The following EFTUD2 variants were observed in gnomAD, a reference collection of about 807,000 sequenced individuals.
EFTUD2 encodes elongation factor Tu GTP binding domain containing 2, also known as 116 kDa U5 small nuclear ribonucleoprotein component.
EFTUD2 carries 9 observed loss-of-function variants against 114.3 expected under a neutral mutation model. The ratio of observed to expected loss-of-function variants is 0.08; its 90% CI spans 0.05 to 0.14. The LOEUF (loss-of-function observed/expected upper bound fraction) is 0.14. Among genes scored for constraint, EFTUD2 ranks in the 10% least tolerant of loss-of-function variants. The pLI is 1.00. For missense variants in EFTUD2, 765 were observed against 1,241.2 expected, an observed-to-expected ratio of 0.62 and a Z score of 5.76; for synonymous variants, 449 against 462.3, an observed-to-expected ratio of 0.97 and a Z score of 0.37.
chr17:44,862,285 A>T (rs2050672587), intron 16 of EFTUD2, among the ~76,000 whole-genome samples: 1 of 152,068 alleles, frequency 6.6e-6, no homozygotes, highest in South Asian at 2.1e-4. Context: ...AAATTTAAAA[A>T]TTAGCCAGAC....
chr17:44,860,290 G>A, intron 17 of EFTUD2, 142 bp downstream of exon 17: 1 of 748,700 alleles, frequency 1.3e-6, no homozygotes, highest in Non-Finnish European at 2.3e-6. Flanking sequence ...AGTACAGGGA[G>A]AATCCAGCAG....
intron 1 of EFTUD2, among the ~76,000 whole-genome samples, chr17:44,897,280 A>AT (rs1227737497): frequency 6.6e-6 from 1 of 150,470 alleles, no homozygotes; most frequent in African/African-American, 2.4e-5. Context: ...AGCTAGCATT[A>AT]TTTTTTGCCA....
chr17:44,885,716 A>G (rs2051159011), intron 3 of EFTUD2, among the ~76,000 whole-genome samples: 1 of 152,064 alleles, frequency 6.6e-6, no homozygotes, highest in Admixed American at 6.6e-5. Flanking sequence ...GCTGAAGCGT[A>G]CAAATGGCGT....
chr17:44,872,378 T>C (rs887046431), intron 11 of EFTUD2, 68 bp downstream of exon 11: 139 of 1,594,946 alleles, frequency 8.7e-5, no homozygotes, highest in Non-Finnish European at 1.2e-4. Context: ...AATTTCTGAG[T>C]CATTCAGCAG....
intron 14 of EFTUD2, 114 bp from the exon 15 acceptor site, chr17:44,863,896 G>C: frequency 7.3e-7 from 1 of 1,369,970 alleles, no homozygotes; most frequent in Non-Finnish European, 9.8e-7. Flanking sequence ...CTGATTGTTA[G>C]CTCTAAAAGC....
At chr17:44,884,451 G>A (rs2051128446) in intron 4 of EFTUD2, among the ~76,000 whole-genome samples, 1 of 151,678 alleles carries the variant, frequency 6.6e-6, no homozygotes, top group South Asian at 2.1e-4. Context: ...CCTGGAAGGT[G>A]GAGGTTGTAG....
intron 9 of EFTUD2, among the ~76,000 whole-genome samples, chr17:44,877,509 T>C (rs2050985065): frequency 6.6e-6 from 1 of 152,074 alleles, no homozygotes; most frequent in Non-Finnish European, 1.5e-5. Context: ...CTTTACAACA[T>C]AATTCCAACC....
At position 44,850,202 on chromosome 17, in the gene EFTUD2, G is replaced by T. The variant is rs1294893764; in HGVS notation, c.*1072C>A. The T allele has an allele frequency of 4.6e-6, 3 of 653,856 alleles. No individual in the cohort carries two copies. The Admixed American group carries it at 7.7e-5, about 17-fold the overall frequency. The allele number at this position is 653,856 out of a possible 1,614,324, so 40.5% of individuals were successfully genotyped here. A position where few individuals can be genotyped will look rare whatever the true frequency, so the allele number is the denominator to read the frequency against. On this transcript the variant is annotated 3_prime_UTR_variant, in exon 28 of 28. Coordinates refer to ENST00000426333, the MANE Select transcript of EFTUD2 (RefSeq NM_004247.4). ...TGCTTGAAGCAGCTGTTGGGACCTG[G>T]GGCAGAAAGATGAGCGGGAAGCTGG...
rs766554002 is a variant in EFTUD2, at chr17:44,850,422, C to T, written c.*852G>A. The stretch of plus-strand genomic sequence containing the variant: ...GACTCCTATAGGAGCCGGGGCTGTC[C>T]AACTCCCCTAACTCAATCCCTGGTA... On this transcript the variant is annotated 3_prime_UTR_variant, in exon 28 of 28. Transcript: ENST00000426333. The T allele has an allele frequency of 1.1e-5, 17 of 1,560,122 alleles. No individual in the cohort carries two copies. Among genetic ancestry groups the T allele is most frequent in the Admixed American group, 6.8e-5 (4 of 58,868 alleles).
intron 26 of EFTUD2, among the ~76,000 whole-genome samples, chr17:44,852,110 T>C (rs1271877608): frequency 6.6e-6 from 1 of 151,770 alleles, no homozygotes; most frequent in Non-Finnish European, 1.5e-5. Context: ...ACAGATGGGG[T>C]TTCTGCATGT....
At chr17:44,867,990 G>C (rs1327569487) in intron 12 of EFTUD2, 93 bp from the exon 13 acceptor site, 3 of 1,221,562 alleles carry the variant, frequency 2.5e-6, no homozygotes, top group Non-Finnish European at 3.4e-6. Context: ...CTGAACAACA[G>C]CCCAGGGGAG....
At chr17:44,881,826 T>C in intron 6 of EFTUD2, 104 bp from the exon 7 acceptor site, 1 of 1,114,172 alleles carries the variant, frequency 9.0e-7, no homozygotes, top group South Asian at 1.3e-5. Flanking sequence ...AGGGTTTCTT[T>C]GAGATTAAAG....
intron 20 of EFTUD2, among the ~76,000 whole-genome samples, chr17:44,855,549 C>G (rs1466383294): frequency 6.6e-6 from 1 of 151,760 alleles, no homozygotes; most frequent in African/African-American, 2.4e-5. Flanking sequence ...GCCTGGCGAC[C>G]GTGCAAGACT....
At chr17:44,883,810 G>T in intron 4 of EFTUD2, 86 bp from the exon 5 acceptor site, 1 of 1,331,218 alleles carries the variant, frequency 7.5e-7, no homozygotes, top group Non-Finnish European at 1.1e-6. Context: ...GGTATTTTTT[G>T]GCCAGGAACA....
chr17:44,883,301 A>G, intron 5 of EFTUD2, 143 bp from the exon 6 acceptor site: 1 of 671,678 alleles, frequency 1.5e-6, no homozygotes, highest in Non-Finnish European at 2.6e-6. Flanking sequence ...GCAAATAATT[A>G]ACACTGAAGC....
At chr17:44,875,592 G>T (rs968721736) in intron 10 of EFTUD2, 2 of 168,268 alleles carry the variant, frequency 1.2e-5, no homozygotes, top group Middle Eastern at 2.5e-3. Flanking sequence ...CATGCCTGTG[G>T]TCCCAGCTAT....
chr17:44,851,451 G>T, intron 27 of EFTUD2, 82 bp from the exon 28 acceptor site: 6 of 1,195,652 alleles, frequency 5.0e-6, no homozygotes, highest in South Asian at 4.9e-5. Flanking sequence ...TGTGTTCAGT[G>T]GGGAGGCTAG....
At chr17:44,876,677 C>A (rs1597811674) in intron 9 of EFTUD2, among the ~76,000 whole-genome samples, 1 of 151,788 alleles carries the variant, frequency 6.6e-6, no homozygotes, top group East Asian at 1.9e-4. Context: ...ACGGTGAAAC[C>A]CTGTCTCGAC....
intron 15 of EFTUD2, 66 bp from the exon 16 acceptor site, chr17:44,862,972 A>G (rs1597798021): frequency 7.3e-7 from 1 of 1,373,308 alleles, no homozygotes; most frequent in Non-Finnish European, 1.0e-6. Context: ...ACTCCCCGCC[A>G]TCTTCCTTGA....
Sources: allele counts gnomAD v4.1 joint callset (sites outside exome capture counted in the v4.1 genomes callset), GRCh38; gene constraint gnomAD v4.1.1; transcripts MANE v1.5; gene names NCBI Gene and HGNC (gene_info 2026-07-23, HGNC 2026-07-21).